The following WWC1 variants were observed in gnomAD, a reference collection of about 807,000 sequenced individuals.
The protein encoded by WWC1 is protein KIBRA.
A neutral mutation model predicts 138.4 loss-of-function variants in WWC1; 55 were observed. The observed-to-expected ratio is 0.40, with a 90% confidence interval of 0.32 to 0.50. The LOEUF (loss-of-function observed/expected upper bound fraction) is 0.50. Among genes scored for constraint, WWC1 ranks in the 20% least tolerant of loss-of-function variants. The pLI is 0.72. For missense variants in WWC1, 1,226 were observed against 1,420.4 expected, an observed-to-expected ratio of 0.86 and a Z score of 2.20; for synonymous variants, 524 against 564.9, an observed-to-expected ratio of 0.93 and a Z score of 1.03.
At chr5:168,320,958 G>A (rs953977496) in intron 1 of WWC1, among the ~76,000 whole-genome samples, 2 of 152,208 alleles carry the variant, frequency 1.3e-5, no homozygotes, top group African/African-American at 2.4e-5. Context: ...AGCCAGTAAC[G>A]ATTAGAGCCA....
intron 3 of WWC1, among the ~76,000 whole-genome samples, chr5:168,387,698 G>A (rs911538210): frequency 1.3e-5 from 2 of 152,128 alleles, no homozygotes; most frequent in Admixed American, 6.6e-5. Context: ...TAATCCCATC[G>A]TGAGGAGCCT....
chr5:168,312,047 TAA>T (rs1310525136), intron 1 of WWC1, among the ~76,000 whole-genome samples: 5 of 131,226 alleles, frequency 3.8e-5, no homozygotes, highest in Admixed American at 7.9e-5. Flanking sequence ...AGACTCAGTC[TAA>T]AAAAAAAAAA....
chr5:168,437,469 A>AT (rs1754341958), intron 15 of WWC1, among the ~76,000 whole-genome samples: 2 of 152,144 alleles, frequency 1.3e-5, no homozygotes, highest in Non-Finnish European at 2.9e-5. Context: ...GGCATCTTAG[A>AT]TTCGATGAAA....
At chr5:168,357,493 T>TGTGTGCGC (rs1353607261) in intron 1 of WWC1, among the ~76,000 whole-genome samples, 10 of 119,828 alleles carry the variant, frequency 8.3e-5, no homozygotes, top group African/African-American at 3.9e-4. Context: ...TGTGTGTGTG[T>TGTGTGCGC]GCGCGCGCGC....
At chr5:168,309,431 A>T (rs1022350436) in intron 1 of WWC1, among the ~76,000 whole-genome samples, 1 of 150,752 alleles carries the variant, frequency 6.6e-6, no homozygotes, top group African/African-American at 2.5e-5. Flanking sequence ...CATGGTTCCC[A>T]TGCTTAAGGT....
chr5:168,379,398 C>T (rs532176891), intron 2 of WWC1, among the ~76,000 whole-genome samples: 29 of 152,088 alleles, frequency 1.9e-4, no homozygotes, highest in Admixed American at 1.4e-3. Flanking sequence ...ATTAACACAA[C>T]TCTTTTTTTT....
intron 1 of WWC1, among the ~76,000 whole-genome samples, chr5:168,312,744 AG>A (rs1771226906): frequency 2.6e-5 from 4 of 151,734 alleles, no homozygotes. Context: ...AGGAGACGTC[AG>A]GGGTCATGTG....
intron 3 of WWC1, 119 bp from the exon 4 acceptor site, chr5:168,397,605 C>T (rs990668804): frequency 2.8e-5 from 28 of 987,634 alleles, no homozygotes; most frequent in Non-Finnish European, 4.0e-5. Context: ...CTTTGTTGAA[C>T]ATTTAGGTTG....
At chr5:168,374,863 G>T (rs958579851) in intron 2 of WWC1, among the ~76,000 whole-genome samples, 2 of 152,180 alleles carry the variant, frequency 1.3e-5, no homozygotes, top group South Asian at 2.1e-4. Context: ...GATGCTGGAG[G>T]TATTCTCTAG....
At chr5:168,306,159 A>C (rs894825007) in intron 1 of WWC1, among the ~76,000 whole-genome samples, 19 of 152,158 alleles carry the variant, frequency 1.2e-4, no homozygotes, top group Non-Finnish European at 2.1e-4. Flanking sequence ...ACACTTTGGG[A>C]GGCTGAGGTG....
intron 1 of WWC1, among the ~76,000 whole-genome samples, chr5:168,326,589 A>T (rs780953520): frequency 4.0e-5 from 6 of 151,542 alleles, no homozygotes; most frequent in Admixed American, 2.0e-4. Flanking sequence ...CCCAGGCTGG[A>T]GTACAGTGAT....
Position 168,441,842 on chromosome 5 carries a change from G to T in WWC1, c.2433+8G>T. The T allele has an allele frequency of 6.2e-7, 1 of 1,611,878 alleles. No individual in the cohort carries two copies. ...TCAGGGCCTGCCAGCACGGTGAGCT[G>T]GGACCAGGTGTGCCACCTTCCCACA... On this transcript the variant is annotated splice_region_variant and intron_variant, in intron 16 of 22. Coordinates refer to ENST00000265293, the MANE Select transcript of WWC1 (RefSeq NM_015238.3).
intron 5 of WWC1, among the ~76,000 whole-genome samples, chr5:168,405,883 T>G (rs796418060): frequency 3.3e-5 from 5 of 152,214 alleles, no homozygotes; most frequent in African/African-American, 1.2e-4. Context: ...TGTGCCACCA[T>G]GCCCAGCTGA....
In WWC1 at chr5:168,440,510, GTTGTTTTGTT is replaced by G. The variant is rs537138164; in HGVS notation, c.2281-1159_2281-1150del. Among the ~76,000 whole-genome samples the G allele has an allele frequency of 8.7e-3, 1,320 of 151,962 alleles. 19 individuals carry two copies. Among genetic ancestry groups the G allele is most frequent in the Middle Eastern group, 0.014 (4 of 294 alleles). On this transcript the variant is annotated intron_variant, in intron 15 of 22. Coordinates refer to ENST00000265293, the MANE Select transcript of WWC1 (RefSeq NM_015238.3). ...GCAGGGTTTTGTTGTTGTTGTTGTT[GTTGTTTTGTT>G]TTGTTTTGTTTTTGAGGCAGAGTTT... is the stretch of plus-strand genomic sequence containing the variant.
intron 3 of WWC1, among the ~76,000 whole-genome samples, chr5:168,391,147 G>C (rs909966813): frequency 2.0e-5 from 3 of 152,234 alleles, no homozygotes; most frequent in Non-Finnish European, 4.4e-5. Flanking sequence ...GAACTCAAGA[G>C]AGCTGGGTTC....
Position 168,469,212 on chromosome 5 carries a change from C to A in WWC1, c.*195C>A. 1.8e-6 allele frequency: 1 copy of A among 564,112 alleles called. No individual in the cohort carries two copies. The highest frequency in any genetic ancestry group is 2.5e-5 in the South Asian group (1 of 39,868). The allele number at this position is 564,112 out of a possible 1,614,324, so 34.9% of individuals were successfully genotyped here. A position where few individuals can be genotyped will look rare whatever the true frequency, so the allele number is the denominator to read the frequency against. ...AAACAGAACAAAAACAAAACACACA[C>A]ACACACAAAAACAGAAACAAAAAAA... is the stretch of plus-strand genomic sequence containing the variant. On this transcript the variant is annotated 3_prime_UTR_variant, in exon 23 of 23. Coordinates refer to ENST00000265293, the MANE Select transcript of WWC1 (RefSeq NM_015238.3).
At chr5:168,468,856 A>T (rs953079246) in intron 22 of WWC1, 95 bp from the exon 23 acceptor site, 3 of 1,338,150 alleles carry the variant, frequency 2.2e-6, no homozygotes, top group East Asian at 2.3e-5. Flanking sequence ...CAGCGAATGT[A>T]TAGGACAGCT....
chr5:168,301,399 G>A (rs1770058238), intron 1 of WWC1, among the ~76,000 whole-genome samples: 2 of 152,174 alleles, frequency 1.3e-5, no homozygotes, highest in African/African-American at 2.4e-5. Context: ...ACTTTGGGAG[G>A]CCAAGGTGGG....
At chr5:168,451,019 T>C (rs1265290607) in intron 17 of WWC1, among the ~76,000 whole-genome samples, 2 of 152,116 alleles carry the variant, frequency 1.3e-5, no homozygotes, top group African/African-American at 4.8e-5. Flanking sequence ...TTATTTTATT[T>C]ATTTATTTAT....
Sources: allele counts gnomAD v4.1 joint callset (sites outside exome capture counted in the v4.1 genomes callset), GRCh38; gene constraint gnomAD v4.1.1; transcripts MANE v1.5; gene names NCBI Gene and HGNC (gene_info 2026-07-23, HGNC 2026-07-21).